Variants in RANBP10 observed in about 807,000 individuals in gnomAD.
RANBP10 encodes the protein ran-binding protein 10.
Under a neutral mutation model 72.8 loss-of-function variants are expected in RANBP10, and 24 were observed. That is an observed-to-expected ratio of 0.33 (90% CI 0.24 to 0.46). The LOEUF is 0.46. Among genes scored for constraint, RANBP10 ranks in the 20% least tolerant of loss-of-function variants. The probability of loss-of-function intolerance (pLI) is 1.00; values close to 1 mark genes in which losing one functional copy is unlikely to be tolerated. For missense variants in RANBP10, 679 were observed against 817.5 expected, an observed-to-expected ratio of 0.83 and a Z score of 2.07; for synonymous variants, 310 against 322.3, an observed-to-expected ratio of 0.96 and a Z score of 0.41.
Position 67,726,170 on chromosome 16 carries a change from T to C in RANBP10, c.*258A>G, listed in dbSNP as rs1292337165. 2 of 414,622 alleles carry C rather than the reference T, an allele frequency of 4.8e-6. No individual in the cohort carries two copies. The highest frequency in any genetic ancestry group is 8.7e-6 in the Non-Finnish European group (2 of 229,326). The allele number at this position is 414,622 out of a possible 1,614,324, so 25.7% of individuals were successfully genotyped here. On this transcript the variant is annotated 3_prime_UTR_variant, in exon 14 of 14. Coordinates refer to ENST00000317506, the MANE Select transcript of RANBP10 (RefSeq NM_020850.3). ...TCAAAACAAAACCCCCCTTTCAAAA[T>C]AGAAGGCGCTACATGAGAGTAACCA...
chr16:67,749,767 T>C (rs1408956023), intron 3 of RANBP10, among the ~76,000 whole-genome samples: 2 of 152,170 alleles, frequency 1.3e-5, no homozygotes, highest in Non-Finnish European at 2.9e-5. Flanking sequence ...CGGGAGACAC[T>C]ATGGCTCCTG....
intron 2 of RANBP10, among the ~76,000 whole-genome samples, chr16:67,781,168 A>C (rs1424465215): frequency 6.6e-6 from 1 of 152,186 alleles, no homozygotes; most frequent in African/African-American, 2.4e-5. Context: ...GGACAACCCC[A>C]CTTTGTCCAT....
intron 2 of RANBP10, 54 bp downstream of exon 2, chr16:67,805,374 A>T (rs568271716): frequency 1.3e-6 from 2 of 1,516,716 alleles, no homozygotes; most frequent in South Asian, 2.3e-5. Context: ...CTGAACTCTG[A>T]CCACAGGGAT....
intron 3 of RANBP10, among the ~76,000 whole-genome samples, chr16:67,746,780 G>A (rs1160945033): frequency 6.6e-6 from 1 of 152,200 alleles, no homozygotes; most frequent in Non-Finnish European, 1.5e-5. Context: ...TGGAATCATA[G>A]AACATGAGGT....
At chr16:67,792,080 C>G (rs557131118) in intron 2 of RANBP10, among the ~76,000 whole-genome samples, 2 of 150,838 alleles carry the variant, frequency 1.3e-5, no homozygotes, top group African/African-American at 2.4e-5. Flanking sequence ...ATAAATAAAG[C>G]AAGCTTCAGT....
intron 2 of RANBP10, among the ~76,000 whole-genome samples, chr16:67,772,306 C>T (rs915022137): frequency 1.6e-4 from 24 of 152,066 alleles, no homozygotes; most frequent in Admixed American, 6.6e-5. Flanking sequence ...CAGAAAGTTG[C>T]GTGTGTTGTG....
chr16:67,744,913 T>A (rs2054040326), intron 3 of RANBP10, among the ~76,000 whole-genome samples: 2 of 152,120 alleles, frequency 1.3e-5, no homozygotes, highest in African/African-American at 2.4e-5. Context: ...AAGCCCCGCC[T>A]CCCGGGTTCA....
Position 67,729,643 on chromosome 16 carries a change from A to C in RANBP10, c.1147+37T>G, listed in dbSNP as rs758827991. 2.3e-5 allele frequency: 36 copies of C among 1,583,686 alleles called. No individual in the cohort carries two copies. Among genetic ancestry groups the C allele is most frequent in the Non-Finnish European group, 2.8e-5 (33 of 1,164,780 alleles). On this transcript the variant is annotated intron_variant, in intron 9 of 13. Coordinates refer to ENST00000317506, the MANE Select transcript of RANBP10 (RefSeq NM_020850.3). This position sits in a 1 kb window ranked among gnomAD's most constrained non-coding sequence, Gnocchi z 7.1. ...ATGTGGAGTGGCCTCTCTCCTCCACACCAGTTCTTCCCAGAGCCCTCTGGA... is the reference window on the plus strand; with the variant it reads ...ATGTGGAGTGGCCTCTCTCCTCCACCCCAGTTCTTCCCAGAGCCCTCTGGA...
intron 2 of RANBP10, among the ~76,000 whole-genome samples, chr16:67,797,530 C>T (rs1186532164): frequency 6.6e-6 from 1 of 152,180 alleles, no homozygotes; most frequent in East Asian, 1.9e-4. Context: ...TTAGCCAGGG[C>T]TGGGGATGGT....
chr16:67,743,800 A>G (rs958786043), intron 4 of RANBP10, among the ~76,000 whole-genome samples: 1 of 152,064 alleles, frequency 6.6e-6, no homozygotes, highest in African/African-American at 2.4e-5. Flanking sequence ...TTTTCAATGT[A>G]ACTGCCCCGG....
At chr16:67,793,328 T>C (rs2055064375) in intron 2 of RANBP10, among the ~76,000 whole-genome samples, 1 of 151,316 alleles carries the variant, frequency 6.6e-6, no homozygotes, top group African/African-American at 2.4e-5. Context: ...TTTTTTTTTT[T>C]TTTAGATGGA....
chr16:67,782,598 G>A (rs2054833139), intron 2 of RANBP10, among the ~76,000 whole-genome samples: 1 of 151,794 alleles, frequency 6.6e-6, no homozygotes, highest in South Asian at 2.1e-4. Context: ...ACTACAAGGC[G>A]TGCGCTACCA....
At chr16:67,736,248 A>C (rs1352338599) in intron 5 of RANBP10, among the ~76,000 whole-genome samples, 1 of 150,786 alleles carries the variant, frequency 6.6e-6, no homozygotes, top group Non-Finnish European at 1.5e-5. Context: ...CGCAACTTCT[A>C]CCTCCTGGGT....
chr16:67,785,393 A>G (rs2054896995), intron 2 of RANBP10, among the ~76,000 whole-genome samples: 1 of 152,044 alleles, frequency 6.6e-6, no homozygotes, highest in South Asian at 2.1e-4. Context: ...GGATGAACAA[A>G]AAGAAAAATA....
At chr16:67,737,969 G>T in intron 5 of RANBP10, 44 bp downstream of exon 5, 1 of 1,562,312 alleles carries the variant, frequency 6.4e-7, no homozygotes, top group South Asian at 1.2e-5. Context: ...ATCCCAGTCA[G>T]CCCCCAGAAA....
intron 2 of RANBP10, among the ~76,000 whole-genome samples, chr16:67,787,760 G>T (rs906922641): frequency 6.6e-6 from 1 of 152,154 alleles, no homozygotes; most frequent in Admixed American, 6.5e-5. Flanking sequence ...CCAGCACGTT[G>T]GGAGGCTGAG....
At chr16:67,787,502 A>G (rs2054937689) in intron 2 of RANBP10, among the ~76,000 whole-genome samples, 1 of 152,224 alleles carries the variant, frequency 6.6e-6, no homozygotes, top group African/African-American at 2.4e-5. Context: ...AAAAATTATC[A>G]TATGACCCAG....
At chr16:67,774,016 C>T (rs909605035) in intron 2 of RANBP10, among the ~76,000 whole-genome samples, 1 of 152,210 alleles carries the variant, frequency 6.6e-6, no homozygotes, top group Admixed American at 6.6e-5. Flanking sequence ...AGAAAAACTG[C>T]AGCCCAAATA....
At chr16:67,778,363 AAG>A (rs1464661497) in intron 2 of RANBP10, among the ~76,000 whole-genome samples, 1 of 152,158 alleles carries the variant, frequency 6.6e-6, no homozygotes, top group Non-Finnish European at 1.5e-5. Context: ...TAAAAAAAAA[AAG>A]AAGTTTTTTG....
Sources: allele counts gnomAD v4.1 joint callset (sites outside exome capture counted in the v4.1 genomes callset), GRCh38; gene constraint gnomAD v4.1.1; non-coding constraint Gnocchi (gnomAD v3.1); transcripts MANE v1.5; gene names NCBI Gene and HGNC (gene_info 2026-07-23, HGNC 2026-07-21).